ART3: variants seen among roughly 807,000 people sequenced by gnomAD.
ART3 encodes the protein ecto-ADP-ribosyltransferase 3.
Under a neutral mutation model 48.5 loss-of-function variants are expected in ART3, and 49 were observed. That is an observed-to-expected ratio of 1.01 (90% CI 0.80 to 1.28). The LOEUF is 1.28. ART3 is among the 50% of genes most tolerant of loss of function. The pLI is 0.00. For synonymous variants in ART3, 145 were observed against 157.2 expected (o/e 0.92, Z 0.58); for missense variants, 438 against 454.3 (o/e 0.96, Z 0.33).
intron 1 of ART3, among the ~76,000 whole-genome samples, chr4:76,026,241 A>ACGT: frequency 6.6e-6 from 1 of 152,060 alleles, no homozygotes; most frequent in East Asian, 1.9e-4. Flanking sequence ...TCTGAAGCAG[A>ACGT]CATGACTTTA....
At chr4:76,032,299 C>T (rs866704618) in intron 1 of ART3, among the ~76,000 whole-genome samples, 1 of 151,978 alleles carries the variant, frequency 6.6e-6, no homozygotes, top group South Asian at 2.1e-4. Context: ...CTCAACCTCC[C>T]AGACCCAAGT....
At chr4:76,090,544 T>A (rs953388198) in intron 3 of ART3, among the ~76,000 whole-genome samples, 9 of 152,206 alleles carry the variant, frequency 5.9e-5, no homozygotes, top group African/African-American at 9.6e-5. Context: ...GAGGGCTTTA[T>A]TTACTCTTGT....
intron 9 of ART3, 114 bp downstream of exon 9, chr4:76,104,083 T>C: frequency 8.6e-7 from 1 of 1,158,444 alleles, no homozygotes; most frequent in Admixed American, 1.9e-5. Flanking sequence ...CCCTTATAGC[T>C]ACCTGCCAGT....
chr4:76,079,768 T>C (rs765647899), intron 2 of ART3, among the ~76,000 whole-genome samples: 35 of 152,092 alleles, frequency 2.3e-4, no homozygotes, highest in Non-Finnish European at 4.1e-4. Flanking sequence ...CAGACATCTC[T>C]TTCAAGATGT....
intron 1 of ART3, among the ~76,000 whole-genome samples, chr4:76,052,969 T>C (rs1736280274): frequency 6.6e-6 from 1 of 152,136 alleles, no homozygotes; most frequent in African/African-American, 2.4e-5. Flanking sequence ...TCTTAAGCCA[T>C]CCACCTGCCT....
At chr4:76,053,594 AT>A (rs748420514) in intron 1 of ART3, among the ~76,000 whole-genome samples, 1 of 152,330 alleles carries the variant, frequency 6.6e-6, no homozygotes, top group East Asian at 1.9e-4. Context: ...AAGCTACTTA[AT>A]TTATTTCCAC....
At chr4:76,027,990 A>T (rs1463426378) in intron 1 of ART3, among the ~76,000 whole-genome samples, 1 of 152,254 alleles carries the variant, frequency 6.6e-6, no homozygotes, top group African/African-American at 2.4e-5. Context: ...AGTGACTAGG[A>T]TGATTGGTTT....
At chr4:76,026,195 A>C (rs1357005582) in intron 1 of ART3, among the ~76,000 whole-genome samples, 8 of 151,888 alleles carry the variant, frequency 5.3e-5, no homozygotes, top group South Asian at 2.1e-4. Context: ...TGGACATTTA[A>C]ATTTTAGCTG....
At chr4:76,100,647 A>AAT (rs1727085952) in intron 6 of ART3, 148 bp from the exon 7 acceptor site, 4 of 958,236 alleles carry the variant, frequency 4.2e-6, no homozygotes, top group Admixed American at 2.6e-5. Flanking sequence ...AAAAAAAAAA[A>AAT]ATTCTGGGGG....
chr4:76,023,344 A>G (rs1342752409), intron 1 of ART3: 3 of 1,571,018 alleles, frequency 1.9e-6, no homozygotes, highest in Non-Finnish European at 2.6e-6. Flanking sequence ...TCATTTTACA[A>G]ATTAAGTATC....
chr4:76,023,242 CTATT>C (rs146674736), intron 1 of ART3: 23,569 of 701,732 alleles, frequency 0.034, 638 homozygotes, highest in Non-Finnish European at 0.042. Flanking sequence ...GAGGGAATCT[CTATT>C]TATTTCCCTC....
At chr4:76,052,325 G>A (rs111298230) in intron 1 of ART3, among the ~76,000 whole-genome samples, 7 of 152,176 alleles carry the variant, frequency 4.6e-5, no homozygotes, top group African/African-American at 1.7e-4. Context: ...CTTCATCCTT[G>A]ATATGTGCTA....
intron 11 of ART3, among the ~76,000 whole-genome samples, chr4:76,108,568 A>AAC (rs1553939039): frequency 5.9e-5 from 9 of 151,368 alleles, no homozygotes; most frequent in Non-Finnish European, 1.0e-4. Flanking sequence ...AAAAAAAAAA[A>AAC]CAAAAAACTC....
At position 76,082,214 on chromosome 4, in the gene ART3, G is replaced by A. The variant is rs777556142; in HGVS notation, c.460G>A (p.Glu154Lys). The A allele has an allele frequency of 2.5e-6, 4 of 1,614,018 alleles. No individual in the cohort carries two copies. In the South Asian group the frequency reaches 3.3e-5, roughly 13 times the overall value. ...CCTGCAGTTGCTGAGAAAACCTTGT[G>A]AGGCCAGTTCCAAAACTGTGGTATA... ...RALQLLRKPC[E>K]ASSKTVVYRT... The change falls in exon 3 of 12, where the codon GAG (glutamate) becomes AAG (lysine). Residue 154 changes from glutamate (E) to lysine (K), a missense_variant. Around this residue, in one of 3 missense-constraint regions of ART3, gnomAD observed 206 missense variants for 205.3 expected, o/e 1.00. Transcript: ENST00000355810.
At chr4:76,022,904 A>T (rs1265544726) in intron 1 of ART3, 6 of 1,330,752 alleles carry the variant, frequency 4.5e-6, no homozygotes, top group Non-Finnish European at 6.2e-6. Flanking sequence ...AGCAGAACCT[A>T]TATCCCCATA....
intron 2 of ART3, among the ~76,000 whole-genome samples, chr4:76,079,026 AGCCGAAATAGT>A (rs1266289955): frequency 1.1e-4 from 17 of 152,162 alleles, no homozygotes; most frequent in Admixed American, 1.1e-3. Flanking sequence ...GCTTGCAGTG[AGCCGAAATAGT>A]GCCACTGCAC....
rs1128864 is a variant in ART3, at chr4:76,112,437, C to T, written c.1088C>T (p.Ser363Leu). ...PGPKSHPSAS[S>L]GKLLLPQFGM... ...CCCAAAAGCCATCCTTCTGCATCCTCGGGCAAACTGCTGCTTCCACAGTTT... is the reference window on the plus strand; with the variant it reads ...CCCAAAAGCCATCCTTCTGCATCCTTGGGCAAACTGCTGCTTCCACAGTTT... Residue 363 changes from serine (S) to leucine (L), a missense_variant, in exon 12 of 12, where the codon TCG (serine) becomes TTG (leucine). Ser to Leu is a moderately radical substitution (Grantham distance 145, BLOSUM62 -2). Around this residue, in one of 3 missense-constraint regions of ART3, gnomAD observed 227 missense variants for 229.6 expected, o/e 0.99. Coordinates refer to ENST00000355810, the MANE Select transcript of ART3 (RefSeq NM_001130016.3). The T allele has an allele frequency of 0.29, 466,931 of 1,613,296 alleles. 78,363 individuals carry two copies. The highest frequency in any genetic ancestry group is 0.64 in the African/African-American group (48,292 of 74,912).
At chr4:76,101,217 T>G (rs184272616) in intron 8 of ART3, among the ~76,000 whole-genome samples, 198 bp downstream of exon 8, 3 of 152,334 alleles carry the variant, frequency 2.0e-5, no homozygotes, top group African/African-American at 7.2e-5. Flanking sequence ...GCTCTGTTTC[T>G]CCTGTCTAAC....
intron 1 of ART3, among the ~76,000 whole-genome samples, chr4:76,051,608 C>G (rs1255516301): frequency 6.6e-6 from 1 of 151,594 alleles, no homozygotes; most frequent in Non-Finnish European, 1.5e-5. Flanking sequence ...GGCGTGATCT[C>G]GGCTGACCGC....
Sources: gnomAD v4.1 joint callset for allele counts (sites outside exome capture counted in the v4.1 genomes callset) on GRCh38, gnomAD v4.1.1 for gene constraint, gnomAD v4.1.1 regional missense constraint, MANE v1.5 for transcripts, NCBI Gene and HGNC (gene_info 2026-07-23, HGNC 2026-07-21) for gene names.